Variants in MUC13 observed in about 807,000 individuals in gnomAD.
The protein encoded by MUC13 is mucin 13, cell surface associated.
MUC13 carries 32 observed loss-of-function variants against 48.3 expected under a neutral mutation model. The observed-to-expected ratio is 0.66, with a 90% CI of 0.50 to 0.89. The LOEUF (loss-of-function observed/expected upper bound fraction) is 0.89, where lower values mean the gene tolerates loss of function less well. Among genes scored for constraint, MUC13 ranks in the 40% least tolerant of loss-of-function variants. MUC13 has a pLI of 0.00. For synonymous variants in MUC13, 199 were observed against 224.9 expected (o/e 0.88, Z 1.03); for missense variants, 571 against 622.8 (o/e 0.92, Z 0.88).
chr3:124,924,223 A>C (rs1935651591), intron 2 of MUC13, among the ~76,000 whole-genome samples: 1 of 152,228 alleles, frequency 6.6e-6, no homozygotes, highest in Non-Finnish European at 1.5e-5. Context: ...CCATGAGAAG[A>C]CATTCCAGCC....
rs781202206 is a variant in MUC13, at chr3:124,908,279, C to A, written c.1407G>T (p.Leu469=). The A allele has an allele frequency of 6.2e-7, 1 of 1,614,168 alleles. No individual in the cohort carries two copies. The highest frequency in any genetic ancestry group is 1.1e-5 in the South Asian group (1 of 91,088). ...CAAGATTGGTGAAGCCTGTCGACCG[C>A]AGTTTTAGATTTTGAAAGTCTTCGT... is the stretch of plus-strand genomic sequence containing the variant. The part of the protein sequence containing the change: ...LIDEDFQNLK[L]RSTGFTNLGA... The change falls in exon 11 of 12, where the codon CTG becomes CTT. Residue 469 remains leucine, a synonymous_variant. Transcript: ENST00000616727.
chr3:124,907,039 C>T (rs1055697270), intron 11 of MUC13, among the ~76,000 whole-genome samples: 4 of 152,310 alleles, frequency 2.6e-5, no homozygotes, highest in Middle Eastern at 6.8e-3. Context: ...TTCAATCACA[C>T]TAAGCAGTGA....
At chr3:124,918,200 A>G (rs62267682) in intron 5 of MUC13, among the ~76,000 whole-genome samples, 7,598 of 152,200 alleles carry the variant, frequency 0.05, 253 homozygotes, top group Middle Eastern at 0.088. Flanking sequence ...GGGAGAGACA[A>G]TTTGGGGCTG....
chr3:124,911,466 G>A (rs1239402998), intron 9 of MUC13, among the ~76,000 whole-genome samples: 1 of 152,206 alleles, frequency 6.6e-6, no homozygotes, highest in Non-Finnish European at 1.5e-5. Flanking sequence ...AGTAGAAATG[G>A]AGAATGTCAC....
chr3:124,934,457 G>A (rs561871230), intron 1 of MUC13, among the ~76,000 whole-genome samples: 4 of 152,288 alleles, frequency 2.6e-5, no homozygotes, highest in African/African-American at 9.6e-5. Context: ...ACCGCGCCCA[G>A]CCCACAGACC....
intron 5 of MUC13, among the ~76,000 whole-genome samples, chr3:124,918,581 G>C (rs1935543683): frequency 6.6e-6 from 1 of 152,124 alleles, no homozygotes; most frequent in Non-Finnish European, 1.5e-5. Context: ...TCCTCACAAG[G>C]CTCCAGGGAA....
Position 124,905,853 on chromosome 3 carries a change from G to A in MUC13, c.*890C>T, listed in dbSNP as rs1321827267. The A allele has an allele frequency of 6.6e-6, 1 of 152,402 alleles. No individual in the cohort carries two copies. Among genetic ancestry groups the A allele is most frequent in the Non-Finnish European group, 1.5e-5 (1 of 68,076 alleles). 9.4% of individuals were successfully genotyped at this position (152,402 alleles called of 1,614,324 possible). ...ACCTTCTCCCAGCCAGTCTTCGGGAGGGCATGATTAGAGAAGTGCTCCTTT... is the reference window on the plus strand; with the variant it reads ...ACCTTCTCCCAGCCAGTCTTCGGGAAGGCATGATTAGAGAAGTGCTCCTTT... On this transcript the variant is annotated 3_prime_UTR_variant, in exon 12 of 12. Transcript: ENST00000616727.
rs1384971799 is a variant in MUC13, at chr3:124,913,185, T to G, written c.1140A>C (p.Ile380=). The G allele has an allele frequency of 6.2e-7, 1 of 1,614,042 alleles. No homozygotes were observed. Among genetic ancestry groups the G allele is most frequent in the East Asian group, 2.2e-5 (1 of 44,900 alleles). The stretch of plus-strand genomic sequence containing the variant: ...ACTCAGGGGCCCCACCACTCTTCTT[T>G]ATTAAGCATTGCTTGTGCTGTGCGT... ...ACNAQHKQCL[I]KKSGGAPECA... is the part of the protein sequence containing the mutation. The change falls in exon 8 of 12, where the codon ATA becomes ATC. Residue 380 remains isoleucine, a synonymous_variant. Transcript: ENST00000616727.
Position 124,927,643 on chromosome 3 carries a change from G to T in MUC13, c.403C>A (p.Pro135Thr). 3.1e-6 allele frequency: 5 copies of T among 1,614,170 alleles called. No homozygotes were observed. Among genetic ancestry groups the T allele is most frequent in the Non-Finnish European group, 4.2e-6 (5 of 1,180,008 alleles). ...SPNDGLITMV[P>T]SETQSNNEMS... is the part of the protein sequence containing the mutation. ...TCATTGTTACTTTGTGTTTCAGAAGGAACCATTGTGATTAATCCATCATTT... is the reference window on the plus strand; with the variant it reads ...TCATTGTTACTTTGTGTTTCAGAAGTAACCATTGTGATTAATCCATCATTT... The change falls in exon 2 of 12, where the codon CCT becomes ACT. Residue 135 changes from proline (P) to threonine (T), a missense_variant. Transcript: ENST00000616727.
At chr3:124,921,552 CTAA>C (rs1935594526) in intron 4 of MUC13, among the ~76,000 whole-genome samples, 2 of 152,174 alleles carry the variant, frequency 1.3e-5, no homozygotes, top group South Asian at 4.1e-4. Context: ...CCTTCCAGAG[CTAA>C]CATCTGTGGC....
intron 1 of MUC13, among the ~76,000 whole-genome samples, chr3:124,931,511 GC>G (rs1391854023): frequency 1.3e-5 from 2 of 151,776 alleles, no homozygotes; most frequent in Non-Finnish European, 2.9e-5. Flanking sequence ...AGTTTGGGAG[GC>G]CGAGGCGGGC....
chr3:124,910,621 C>T (rs1935404565), intron 9 of MUC13, 122 bp from the exon 10 acceptor site: 1 of 1,453,248 alleles, frequency 6.9e-7, no homozygotes, highest in Non-Finnish European at 9.2e-7. Flanking sequence ...GGTCTCCAAC[C>T]CTCCAGGCCA....
intron 5 of MUC13, among the ~76,000 whole-genome samples, chr3:124,919,910 T>C (rs1451651683): frequency 6.6e-6 from 1 of 152,150 alleles, no homozygotes; most frequent in African/African-American, 2.4e-5. Flanking sequence ...TTCCAGAGAT[T>C]GACTAGATAT....
At chr3:124,910,583 C>T in intron 9 of MUC13, 84 bp from the exon 10 acceptor site, 1 of 1,561,576 alleles carries the variant, frequency 6.4e-7, no homozygotes, top group Admixed American at 1.9e-5. Flanking sequence ...TTCCCAGGGA[C>T]TCCTAGCTGT....
At position 124,910,461 on chromosome 3, in the gene MUC13, C is replaced by A. The variant is rs764454076; in HGVS notation, c.1291G>T (p.Gly431Cys). Residue 431 changes from glycine (G) to cysteine (C), a missense_variant, in exon 10 of 12, where the codon GGC (glycine) becomes TGC (cysteine). Gly to Cys is a radical substitution (Grantham distance 159, BLOSUM62 -3). Coordinates refer to ENST00000616727, the MANE Select transcript of MUC13 (RefSeq NM_033049.4). Reference protein sequence around the residue: ...LILTIVGTIAGIVILSMIIAL... With the variant: ...LILTIVGTIACIVILSMIIAL... ...ATTATCATGCTGAGAATGACAATGCCAGCGATGGTGCCCACAATAGTGAGG... is the reference window on the plus strand; with the variant it reads ...ATTATCATGCTGAGAATGACAATGCAAGCGATGGTGCCCACAATAGTGAGG... 33 of 1,614,074 alleles carry A rather than the reference C, an allele frequency of 2.0e-5. No individual in the cohort carries two copies. The Admixed American group carries it at 5.5e-4, about 27-fold the overall frequency.
chr3:124,925,895 G>A (rs540460573), intron 2 of MUC13, among the ~76,000 whole-genome samples: 13 of 152,246 alleles, frequency 8.5e-5, no homozygotes, highest in South Asian at 4.1e-4. Flanking sequence ...GATTACAGGC[G>A]TGAGCCACCA....
intron 3 of MUC13, among the ~76,000 whole-genome samples, 166 bp downstream of exon 3, chr3:124,923,360 GT>G (rs1387671724): frequency 6.6e-6 from 1 of 152,160 alleles, no homozygotes; most frequent in Non-Finnish European, 1.5e-5. Context: ...TTCTGCCTCA[GT>G]GTCCCTAGGT....
chr3:124,934,313 A>G (rs1318735765), intron 1 of MUC13, among the ~76,000 whole-genome samples: 1 of 152,036 alleles, frequency 6.6e-6, no homozygotes, highest in African/African-American at 2.4e-5. Context: ...GCCCACCGCC[A>G]CACCTGGCTA....
At chr3:124,928,079 A>ATTAT in intron 1 of MUC13, 86 bp from the exon 2 acceptor site, 2 of 884,156 alleles carry the variant, frequency 2.3e-6, no homozygotes, top group Non-Finnish European at 3.2e-6. Context: ...TATCCAACTC[A>ATTAT]TTCTTTTTTT....
Sources: gnomAD v4.1 joint callset for allele counts (sites outside exome capture counted in the v4.1 genomes callset) on GRCh38, gnomAD v4.1.1 for gene constraint, MANE v1.5 for transcripts, NCBI Gene and HGNC (gene_info 2026-07-23, HGNC 2026-07-21) for gene names.